Variants in LSM5 observed in about 807,000 individuals in gnomAD.
LSM5 encodes LSM5 homolog, U6 small nuclear RNA and mRNA degradation associated.
A neutral mutation model predicts 13.8 loss-of-function variants in LSM5; 8 were observed. The observed-to-expected ratio is 0.58, with a 90% CI of 0.34 to 1.04. The LOEUF (loss-of-function observed/expected upper bound fraction) is 1.04, where lower values mean the gene tolerates loss of function less well. Ranked by LOEUF, LSM5 falls within the 50% of genes least tolerant of loss-of-function variation. LSM5 has a pLI of 0.03. For missense variants in LSM5, 80 were observed against 108.1 expected (o/e 0.74, Z 1.15); for synonymous variants, 35 against 37.0 (o/e 0.95, Z 0.20).
Position 32,485,413 on chromosome 7 carries a change from G to A in LSM5, c.*1848C>T, listed in dbSNP as rs1212437837. On this transcript the variant is annotated 3_prime_UTR_variant, in exon 5 of 5. Coordinates refer to ENST00000450169, the MANE Select transcript of LSM5 (RefSeq NM_012322.3). Reference sequence around the variant, plus strand: ...CAAATACAAAAACCATAATGGACTAGGTCAACATGCAACTACATTAAAATA... The same window carrying A: ...CAAATACAAAAACCATAATGGACTAAGTCAACATGCAACTACATTAAAATA... 1.3e-5 allele frequency: 2 copies of A among 152,016 alleles called. No homozygotes were observed. Among genetic ancestry groups the A allele is most frequent in the Non-Finnish European group, 2.9e-5 (2 of 68,006 alleles). The allele number at this position is 152,016 out of a possible 1,614,324, so 9.4% of individuals were successfully genotyped here.
intron 1 of LSM5, 113 bp from the exon 2 acceptor site, chr7:32,489,457 C>T: frequency 4.4e-6 from 3 of 679,820 alleles, no homozygotes; most frequent in Non-Finnish European, 2.6e-6. Flanking sequence ...AACATTCATT[C>T]AATAACTTTA....
intron 4 of LSM5, 163 bp downstream of exon 4, chr7:32,487,522 T>C (rs1351308315): frequency 1.2e-5 from 8 of 672,920 alleles, no homozygotes; most frequent in Non-Finnish European, 2.1e-5. Flanking sequence ...GCCTCTTCAA[T>C]AGCTGAGCTT....
At chr7:32,492,793 T>G (rs1179404213), upstream of LSM5, among the ~76,000 whole-genome samples, 2 of 152,162 alleles carry the variant, frequency 1.3e-5, no homozygotes, top group African/African-American at 2.4e-5. Context: ...TTTTCTCCCT[T>G]TAAGTCTTAA....
upstream of LSM5, chr7:32,490,968 C>G (rs1461773758): frequency 6.5e-6 from 1 of 153,606 alleles, no homozygotes. Flanking sequence ...TTCAACAATT[C>G]TTGTCTCACA....
upstream of LSM5, chr7:32,490,709 C>T (rs1786564959): frequency 1.0e-5 from 3 of 291,300 alleles, no homozygotes; most frequent in Non-Finnish European, 2.1e-5. Flanking sequence ...ATCTTCAAAC[C>T]AGTATAAATC....
At chr7:32,489,173 A>T (rs1562738329) in intron 2 of LSM5, 76 bp downstream of exon 2, 2 of 737,348 alleles carry the variant, frequency 2.7e-6, no homozygotes, top group Non-Finnish European at 2.4e-6. Flanking sequence ...AATAATCACA[A>T]ATATACTGAT....
chr7:32,491,196 G>GA (rs1436350600), upstream of LSM5, among the ~76,000 whole-genome samples: 3 of 152,142 alleles, frequency 2.0e-5, no homozygotes, highest in Non-Finnish European at 2.9e-5. Context: ...AGGAGTTCGA[G>GA]ACCAGCCTGG....
At chr7:32,494,226 A>G (rs1786672303), upstream of LSM5, among the ~76,000 whole-genome samples, 1 of 152,262 alleles carries the variant, frequency 6.6e-6, no homozygotes, top group African/African-American at 2.4e-5. Flanking sequence ...TCAAGAAAAT[A>G]TTAATAGTTA....
chr7:32,493,562 T>TG (rs1786642164), upstream of LSM5, among the ~76,000 whole-genome samples: 1 of 152,098 alleles, frequency 6.6e-6, no homozygotes, highest in African/African-American at 2.4e-5. Context: ...TTTTTTGAGA[T>TG]GGAGTCTCAT....
chr7:32,487,380 T>A, intron 4 of LSM5, 87 bp from the exon 5 acceptor site: 1 of 1,056,140 alleles, frequency 9.5e-7, no homozygotes, highest in Non-Finnish European at 1.5e-6. Flanking sequence ...CACCTTTGCC[T>A]GTCCCCTGCA....
In LSM5 at chr7:32,487,541, T is replaced by C. The variant is rs1786477106; in HGVS notation, c.243+144A>G. On this transcript the variant is annotated intron_variant, in intron 4 of 4. Transcript: ENST00000450169. ...CTTCAATAGCTGAGCTTTAGGACCC[T>C]GACCACAGAGAACCCCTTTCCCATC... 5.8e-6 allele frequency: 4 copies of C among 689,248 alleles called. No homozygotes were observed. The South Asian group carries it at 6.3e-5, about 11-fold the overall frequency. 42.7% of individuals were successfully genotyped at this position (689,248 alleles called of 1,614,324 possible).
chr7:32,493,528 TTCTC>T (rs1163846503), upstream of LSM5, among the ~76,000 whole-genome samples: 1 of 119,942 alleles, frequency 8.3e-6, no homozygotes, highest in African/African-American at 2.7e-5. Context: ...AACTTTTTCT[TTCTC>T]TCTCTCTCCC....
At position 32,486,418 on chromosome 7, in the gene LSM5, A is replaced by C. The variant is rs1786449311; in HGVS notation, c.*843T>G. The C allele has an allele frequency of 6.6e-6, 1 of 152,266 alleles. No homozygotes were observed. The highest frequency in any genetic ancestry group is 2.1e-4 in the South Asian group (1 of 4,832). 9.4% of individuals were successfully genotyped at this position (152,266 alleles called of 1,614,324 possible). A position where few individuals can be genotyped will look rare whatever the true frequency, so the allele number is the denominator to read the frequency against. On this transcript the variant is annotated 3_prime_UTR_variant, in exon 5 of 5. Coordinates refer to ENST00000450169, the MANE Select transcript of LSM5 (RefSeq NM_012322.3). ...CTACGAAGACATACAGCAAAGCATG[A>C]TCAACCTTCTCCTTTTTGCTTACCT...
At chr7:32,490,130 C>T in intron 1 of LSM5, 190 bp downstream of exon 1, 3 of 1,536,996 alleles carry the variant, frequency 2.0e-6, no homozygotes, top group Non-Finnish European at 2.6e-6. Context: ...AAAGTCCTTG[C>T]CTGGAGGAGC....
rs1418578010 is a variant in LSM5 at position 32,486,276 on chromosome 7, G to C, written c.*985C>G. On this transcript the variant is annotated 3_prime_UTR_variant, in exon 5 of 5. Coordinates refer to ENST00000450169, the MANE Select transcript of LSM5 (RefSeq NM_012322.3). The stretch of plus-strand genomic sequence containing the variant: ...TGTACATATTAATGTTGAAATATTT[G>C]ACACAGAAAGATATTCACCATTTAA... The C allele has an allele frequency of 6.6e-6, 1 of 152,082 alleles. No individual in the cohort carries two copies. Among genetic ancestry groups the C allele is most frequent in the African/African-American group, 2.4e-5 (1 of 41,396 alleles). The allele number at this position is 152,082 out of a possible 1,614,324, so 9.4% of individuals were successfully genotyped here.
Position 32,486,919 on chromosome 7 carries a change from T to G in LSM5, c.*342A>C. ...GTTTGGAACAACTTTTGTTTGAGAATCAAATGGTCACGTAAATGACAAAAC... is the reference window on the plus strand; with the variant it reads ...GTTTGGAACAACTTTTGTTTGAGAAGCAAATGGTCACGTAAATGACAAAAC... On this transcript the variant is annotated 3_prime_UTR_variant, in exon 5 of 5. Transcript: ENST00000450169. The G allele has an allele frequency of 4.2e-6, 1 of 239,436 alleles. No individual in the cohort carries two copies. The allele number at this position is 239,436 out of a possible 1,614,324, so 14.8% of individuals were successfully genotyped here.
Position 32,485,436 on chromosome 7 carries a change from A to T in LSM5, c.*1825T>A, listed in dbSNP as rs1198410367. Reference sequence around the variant, plus strand: ...TAGGTCAACATGCAACTACATTAAAATACATCATTTATGTCAAAAATAGCA... The same window carrying T: ...TAGGTCAACATGCAACTACATTAAATTACATCATTTATGTCAAAAATAGCA... On this transcript the variant is annotated 3_prime_UTR_variant, in exon 5 of 5. Coordinates refer to ENST00000450169, the MANE Select transcript of LSM5 (RefSeq NM_012322.3). 5 of 152,368 alleles carry T rather than the reference A, an allele frequency of 3.3e-5. No individual in the cohort carries two copies. The allele number at this position is 152,368 out of a possible 1,614,324, so 9.4% of individuals were successfully genotyped here.
At chr7:32,489,984 C>G in intron 1 of LSM5, 1 of 1,256,388 alleles carries the variant, frequency 8.0e-7, no homozygotes, top group South Asian at 1.5e-5. Flanking sequence ...TCTATCTAAT[C>G]TGGGGATCGT....
rs753556364 is a variant in LSM5, at chr7:32,490,316, T to C, written c.46+4A>G. On this transcript the variant is annotated splice_donor_region_variant and intron_variant, in intron 1 of 4. Transcript: ENST00000450169. ...GTTCCTGCTCCCCAAAGGACGGCGATTACCTAAGGGCAGCAGCTGCGACGG... is the reference window on the plus strand; with the variant it reads ...GTTCCTGCTCCCCAAAGGACGGCGACTACCTAAGGGCAGCAGCTGCGACGG... The C allele has an allele frequency of 1.9e-6, 3 of 1,614,072 alleles. No homozygotes were observed. Among genetic ancestry groups the C allele is most frequent in the Non-Finnish European group, 1.7e-6 (2 of 1,180,024 alleles).
Sources: gnomAD v4.1 joint callset for allele counts (sites outside exome capture counted in the v4.1 genomes callset) on GRCh38, gnomAD v4.1.1 for gene constraint, MANE v1.5 for transcripts, NCBI Gene and HGNC (gene_info 2026-07-23, HGNC 2026-07-21) for gene names.